PHF24: variants seen among roughly 807,000 people sequenced by gnomAD.
The protein encoded by PHF24 is PHD finger protein 24.
In PHF24, 25 loss-of-function variants were observed where a neutral mutation model predicts 42.6. The observed-to-expected ratio is 0.59, with a 90% confidence interval of 0.43 to 0.82. The LOEUF (loss-of-function observed/expected upper bound fraction) is 0.82. PHF24 is among the 40% of genes least tolerant of loss of function. The pLI is 0.00. For synonymous variants in PHF24, 185 were observed against 204.8 expected, an observed-to-expected ratio of 0.90 and a Z score of 0.83; for missense variants, 470 against 538.1, an observed-to-expected ratio of 0.87 and a Z score of 1.25.
the PHF24 span, among the ~76,000 whole-genome samples, chr9:34,768,705 C>T: frequency 6.6e-6 from 1 of 152,180 alleles, no homozygotes; most frequent in African/African-American, 2.4e-5. Flanking sequence ...CCGCTACCTG[C>T]TTATCTTGCT....
At chr9:34,922,758 C>A in the PHF24 span, 2 of 1,591,286 alleles carry the variant, frequency 1.3e-6, no homozygotes, top group African/African-American at 2.7e-5. Context: ...AGATGACCTA[C>A]GGGCTCCTAC....
rs961750430 is a variant in PHF24, at chr9:34,977,631, C to G, written c.1096C>G (p.Gln366Glu). 1.4e-5 allele frequency: 22 copies of G among 1,597,352 alleles called. No individual in the cohort carries two copies. The highest frequency in any genetic ancestry group is 1.6e-4 in the Middle Eastern group (1 of 6,070). The stretch of plus-strand genomic sequence containing the variant: ...GGACAAGACCCTGCTGCCCACAGAG[C>G]AGGAGTCCAGGTGAGTAGGACCTCC... The change falls in exon 7 of 8, where the codon CAG becomes GAG. Residue 366 changes from glutamine (Q) to glutamate (E), a missense_variant. Transcript: ENST00000242315.
the PHF24 span, among the ~76,000 whole-genome samples, chr9:34,845,736 C>T: frequency 7.7e-4 from 111 of 144,936 alleles, no homozygotes; most frequent in African/African-American, 2.7e-3. Context: ...TCTCCTAAAG[C>T]GATCCCTCCC....
At chr9:34,676,293 G>T in the PHF24 span, among the ~76,000 whole-genome samples, 1 of 152,214 alleles carries the variant, frequency 6.6e-6, no homozygotes. Context: ...GAAGGCCAAG[G>T]CAGGTGGATC....
chr9:34,919,988 A>C, the PHF24 span, among the ~76,000 whole-genome samples: 1 of 152,256 alleles, frequency 6.6e-6, no homozygotes, highest in Admixed American at 6.5e-5. Context: ...AATCTTGGCT[A>C]TTGTGAATAG....
intron 2 of PHF24, 47 bp downstream of exon 2, chr9:34,971,723 G>C: frequency 6.4e-7 from 1 of 1,551,420 alleles, no homozygotes; most frequent in Non-Finnish European, 8.7e-7. Flanking sequence ...GTGCATCAGG[G>C]AGCAGGACAG....
intron 1 of PHF24, among the ~76,000 whole-genome samples, chr9:34,966,131 G>T (rs995495760): frequency 6.6e-6 from 1 of 152,184 alleles, no homozygotes; most frequent in Non-Finnish European, 1.5e-5. Flanking sequence ...AGCAGAGATG[G>T]TTTTTAATAC....
the PHF24 span, among the ~76,000 whole-genome samples, chr9:34,697,710 A>G: frequency 7.9e-5 from 12 of 152,248 alleles, no homozygotes; most frequent in Non-Finnish European, 1.8e-4. Flanking sequence ...TTCAAAGGTT[A>G]GAAATAAATG....
chr9:34,893,683 G>T, the PHF24 span, among the ~76,000 whole-genome samples: 2 of 152,304 alleles, frequency 1.3e-5, no homozygotes, highest in Non-Finnish European at 2.9e-5. Context: ...AGCTTGTTGG[G>T]CAAGGCTTCA....
the PHF24 span, chr9:34,889,052 C>T: frequency 1.3e-5 from 5 of 398,430 alleles, no homozygotes; most frequent in East Asian, 3.6e-5. Context: ...TGAGGAGGCA[C>T]AAACAGGTGG....
chr9:34,977,909 G>A, intron 7 of PHF24, 106 bp from the exon 8 acceptor site: 1 of 889,252 alleles, frequency 1.1e-6, no homozygotes, highest in Non-Finnish European at 1.9e-6. Flanking sequence ...TGGGATCAGG[G>A]CTCACGCGTC....
chr9:34,672,941 A>T, the PHF24 span, among the ~76,000 whole-genome samples: 6 of 152,136 alleles, frequency 3.9e-5, no homozygotes, highest in South Asian at 4.1e-4. Context: ...CAAGTAGCTG[A>T]GACTACAGCT....
At chr9:34,739,099 A>T in the PHF24 span, among the ~76,000 whole-genome samples, 118,778 of 152,056 alleles carry the variant, frequency 0.78, 47,037 homozygotes, top group East Asian at 0.95. Flanking sequence ...CAGTTTTCTA[A>T]TTTTCTTGTT....
chr9:34,976,198 C>G, exon 4 of PHF24: 1 of 1,614,040 alleles, frequency 6.2e-7, no homozygotes, highest in South Asian at 1.1e-5. Context: ...TATAGCCTCA[C>G]GGAGACCTTT....
chr9:34,785,918 T>C, the PHF24 span, among the ~76,000 whole-genome samples: 1 of 152,194 alleles, frequency 6.6e-6, no homozygotes, highest in Non-Finnish European at 1.5e-5. Flanking sequence ...TAATTGTGTA[T>C]GAGATATCAA....
Position 34,976,142 on chromosome 9 carries a change from T to G in PHF24, c.565-10T>G. ...GTATGGCCACCGACTCAGCTCTTCCTTATTTTCAGGACAACATCAACTTGC... is the reference window on the plus strand; with the variant it reads ...GTATGGCCACCGACTCAGCTCTTCCGTATTTTCAGGACAACATCAACTTGC... On this transcript the variant is annotated splice_polypyrimidine_tract_variant and intron_variant, in intron 3 of 7. Coordinates refer to ENST00000242315, the Ensembl canonical transcript of PHF24. 1 of 1,611,820 alleles carries G rather than the reference T, an allele frequency of 6.2e-7. No homozygotes were observed. The highest frequency in any genetic ancestry group is 1.1e-5 in the South Asian group (1 of 91,018).
chr9:34,826,972 C>T, the PHF24 span, among the ~76,000 whole-genome samples: 1 of 152,158 alleles, frequency 6.6e-6, no homozygotes, highest in African/African-American at 2.4e-5. Flanking sequence ...CCACATAAGT[C>T]ATAGGCTATG....
At chr9:34,976,363 G>A (rs1198315451) in intron 4 of PHF24, 133 bp downstream of exon 4, 8 of 985,352 alleles carry the variant, frequency 8.1e-6, no homozygotes, top group African/African-American at 3.2e-5. Flanking sequence ...TTCCTGAGTT[G>A]TTGGCCAGCA....
chr9:34,835,658 G>A, the PHF24 span: 154 of 1,551,368 alleles, frequency 9.9e-5, no homozygotes, highest in Middle Eastern at 1.7e-4. Flanking sequence ...TTTGGGCCCC[G>A]GAGCACAGCT....
Sources: gnomAD v4.1 joint callset for allele counts (sites outside exome capture counted in the v4.1 genomes callset) on GRCh38, gnomAD v4.1.1 for gene constraint, MANE v1.5 for transcripts, NCBI Gene and HGNC (gene_info 2026-07-23, HGNC 2026-07-21) for gene names.